Variants in IPMK observed in about 807,000 individuals in gnomAD.
IPMK encodes the protein inositol 1,3,4,6-tetrakisphosphate 5-kinase.
IPMK carries 17 observed loss-of-function variants against 45.8 expected under a neutral mutation model. The observed-to-expected ratio is 0.37, with a 90% confidence interval of 0.25 to 0.56. The LOEUF is 0.56. Among genes scored for constraint, IPMK ranks in the 20% least tolerant of loss-of-function variants. IPMK has a pLI of 0.79. For missense variants in IPMK, 399 were observed against 498.0 expected, an observed-to-expected ratio of 0.80 and a Z score of 1.89; for synonymous variants, 180 against 184.3, an observed-to-expected ratio of 0.98 and a Z score of 0.19.
intron 1 of IPMK, among the ~76,000 whole-genome samples, chr10:58,246,241 C>T (rs12261700): frequency 0.08 from 11,815 of 147,670 alleles, 762 homozygotes; most frequent in East Asian, 0.41. Flanking sequence ...AGGTAATTTA[C>T]AGATTCAATG....
chr10:58,250,416 TTTG>T (rs57197711), intron 1 of IPMK, among the ~76,000 whole-genome samples: 19 of 151,488 alleles, frequency 1.3e-4, no homozygotes, highest in African/African-American at 3.6e-4. Flanking sequence ...TCCTAGGGTT[TTTG>T]TTGTTGTTGT....
intron 2 of IPMK, among the ~76,000 whole-genome samples, chr10:58,229,113 C>G (rs2132160207): frequency 6.6e-6 from 1 of 152,192 alleles, no homozygotes; most frequent in South Asian, 2.1e-4. Context: ...CCACTGAACT[C>G]CAAGAATGCT....
At chr10:58,196,830 A>T (rs1363078229) in intron 5 of IPMK, 132 bp from the exon 6 acceptor site, 1 of 653,440 alleles carries the variant, frequency 1.5e-6, no homozygotes, top group Non-Finnish European at 2.5e-6. Flanking sequence ...TAATCCTAGA[A>T]TTCTAAGAAT....
At chr10:58,214,281 GA>G (rs1838212829) in intron 4 of IPMK, among the ~76,000 whole-genome samples, 1 of 152,212 alleles carries the variant, frequency 6.6e-6, no homozygotes, top group Non-Finnish European at 1.5e-5. Flanking sequence ...AAAGAACAAT[GA>G]GGGAATAAAA....
rs1837821461 is a variant in IPMK at position 58,191,734 on chromosome 10, A to G, written c.*4342T>C. 6.6e-6 allele frequency: 1 copy of G among 152,110 alleles called. No individual in the cohort carries two copies. Among genetic ancestry groups the G allele is most frequent in the Non-Finnish European group, 1.5e-5 (1 of 67,942 alleles). 9.4% of individuals were successfully genotyped at this position (152,110 alleles called of 1,614,324 possible). A position where few individuals can be genotyped will look rare whatever the true frequency, so the allele number is the denominator to read the frequency against. ...ACCCTAAAGACATTTATACATTTAA[A>G]CCAAAGTAACTGTGACTAAATACAT... On this transcript the variant is annotated 3_prime_UTR_variant, in exon 6 of 6. Transcript: ENST00000373935.
chr10:58,204,833 T>C (rs925825552), intron 4 of IPMK, among the ~76,000 whole-genome samples: 1 of 152,012 alleles, frequency 6.6e-6, no homozygotes, highest in African/African-American at 2.4e-5. Flanking sequence ...AGAACAAAAT[T>C]GGAGGACTCA....
chr10:58,227,945 T>C (rs1263187396), intron 2 of IPMK, among the ~76,000 whole-genome samples: 1 of 151,858 alleles, frequency 6.6e-6, no homozygotes, highest in African/African-American at 2.4e-5. Context: ...AGTATTAGAA[T>C]CTAATTATAT....
intron 5 of IPMK, among the ~76,000 whole-genome samples, chr10:58,197,896 A>C (rs887230344): frequency 1.3e-5 from 2 of 151,400 alleles, no homozygotes; most frequent in Admixed American, 6.6e-5. Flanking sequence ...AGGCATGGTG[A>C]CGCATGCCTG....
chr10:58,212,694 A>G lies in IPMK; in HGVS notation c.546+3451T>C, dbSNP rs182525592. ...AGCAAGGATGTGCAGCCTCTGTCGC[A>G]AAAGGTTTTACTTTTTCTGGTCTCT... On this transcript the variant is annotated intron_variant, in intron 4 of 5. Coordinates refer to ENST00000373935, the MANE Select transcript of IPMK (RefSeq NM_152230.5). 4 of 244,836 alleles carry G rather than the reference A, an allele frequency of 1.6e-5. No homozygotes were observed. In the East Asian group the frequency reaches 3.3e-4, roughly 20 times the overall value. The allele number at this position is 244,836 out of a possible 1,614,324, so 15.2% of individuals were successfully genotyped here.
intron 1 of IPMK, among the ~76,000 whole-genome samples, chr10:58,258,430 T>G (rs1390826243): frequency 6.6e-6 from 1 of 152,212 alleles, no homozygotes; most frequent in Non-Finnish European, 1.5e-5. Flanking sequence ...ATACATTCTT[T>G]TAGTATATAA....
chr10:58,196,343 C>T lies in IPMK; in HGVS notation c.984G>A (p.Lys328=), dbSNP rs765751052. ...YARHRKIYTK[K]HHSQTSLKVE... is the part of the protein sequence containing the mutation. ...CTTTCAATGAAGTCTGACTGTGATG[C>T]TTTTTTGTATATATTTTCCTGTGAC... The change falls in exon 6 of 6, where the codon AAG becomes AAA. Residue 328 remains lysine, a synonymous_variant. Transcript: ENST00000373935. 6.1e-5 allele frequency: 98 copies of T among 1,614,008 alleles called. No homozygotes were observed. The highest frequency in any genetic ancestry group is 3.8e-4 in the East Asian group (17 of 44,880).
chr10:58,228,344 T>C (rs1331001340), intron 2 of IPMK, among the ~76,000 whole-genome samples: 1 of 132,732 alleles, frequency 7.5e-6, no homozygotes, highest in Non-Finnish European at 1.8e-5. Context: ...TACATATGTG[T>C]GTATCATCTC....
intron 1 of IPMK, among the ~76,000 whole-genome samples, chr10:58,253,644 G>A (rs967757687): frequency 3.3e-5 from 5 of 150,992 alleles, no homozygotes; most frequent in Non-Finnish European, 5.9e-5. Flanking sequence ...AGGCTGAGGC[G>A]GGAGAATGCT....
intron 2 of IPMK, among the ~76,000 whole-genome samples, chr10:58,230,598 G>C (rs1838500277): frequency 6.6e-6 from 1 of 152,146 alleles, no homozygotes; most frequent in Non-Finnish European, 1.5e-5. Context: ...CTGTTAGAAG[G>C]AAAACTAACA....
intron 1 of IPMK, among the ~76,000 whole-genome samples, chr10:58,256,244 T>C (rs1253636266): frequency 6.6e-6 from 1 of 152,158 alleles, no homozygotes; most frequent in Non-Finnish European, 1.5e-5. Context: ...ACTGAATTCT[T>C]TTCTCAGCAA....
At chr10:58,252,157 T>C (rs753330218) in intron 1 of IPMK, among the ~76,000 whole-genome samples, 1 of 152,250 alleles carries the variant, frequency 6.6e-6, no homozygotes, top group South Asian at 2.1e-4. Flanking sequence ...AGTTTTTGGT[T>C]TGTGGTTACC....
intron 1 of IPMK, among the ~76,000 whole-genome samples, chr10:58,259,952 T>G (rs1564541981): frequency 6.6e-6 from 1 of 152,190 alleles, no homozygotes; most frequent in Non-Finnish European, 1.5e-5. Flanking sequence ...AGGTAAAGTT[T>G]CATGAGGAAC....
intron 5 of IPMK, 21 bp from the exon 6 acceptor site, chr10:58,196,719 G>C: frequency 2.1e-6 from 3 of 1,460,016 alleles, no homozygotes; most frequent in Non-Finnish European, 2.8e-6. Flanking sequence ...AAAAATATGA[G>C]CGTTATAATC....
At chr10:58,245,632 A>T (rs1838787865) in intron 1 of IPMK, among the ~76,000 whole-genome samples, 1 of 151,898 alleles carries the variant, frequency 6.6e-6, no homozygotes, top group Admixed American at 6.6e-5. Context: ...AAAAGATGAA[A>T]AAGTCCCAGA....
Sources: gnomAD v4.1 joint callset for allele counts (sites outside exome capture counted in the v4.1 genomes callset) on GRCh38, gnomAD v4.1.1 for gene constraint, MANE v1.5 for transcripts, NCBI Gene and HGNC (gene_info 2026-07-23, HGNC 2026-07-21) for gene names.